SLC24A1: variants seen among roughly 807,000 people sequenced by gnomAD.
The protein encoded by SLC24A1 is solute carrier family 24 member 1.
In SLC24A1, 52 loss-of-function variants were observed where a neutral mutation model predicts 88.1. The ratio of observed to expected loss-of-function variants is 0.59; its 90% CI spans 0.47 to 0.74. The LOEUF (loss-of-function observed/expected upper bound fraction) is 0.74. SLC24A1 is among the 30% of genes least tolerant of loss of function. SLC24A1 has a pLI of 0.00. For missense variants in SLC24A1, 1,173 were observed against 1,363.3 expected, an observed-to-expected ratio of 0.86 and a Z score of 2.20; for synonymous variants, 455 against 498.0, an observed-to-expected ratio of 0.91 and a Z score of 1.15.
At chr15:65,611,487 ACT>A in exon 1 of SLC24A1, 1 of 425,468 alleles carries the variant, frequency 2.4e-6, no homozygotes, top group East Asian at 4.3e-5. Context: ...TGGCCCGGTG[ACT>A]CTGTGTCCGC....
Position 65,638,203 on chromosome 15 carries a change from C to T in SLC24A1, c.1944+22C>T, listed in dbSNP as rs1350691803. 5.2e-6 allele frequency: 8 copies of T among 1,542,798 alleles called. No individual in the cohort carries two copies. The East Asian group carries it at 1.4e-4, about 26-fold the overall frequency. On this transcript the variant is annotated intron_variant, in intron 3 of 9. Coordinates refer to ENST00000261892, the MANE Select transcript of SLC24A1 (RefSeq NM_004727.3). ...GAAGGTGGGTGCCGTATGGAGTCTG[C>T]CCAGTGGGGACACTGCAGGGTCTCA...
chr15:65,652,505 A>G (rs1051804719), intron 8 of SLC24A1, 137 bp from the exon 9 acceptor site: 8 of 702,200 alleles, frequency 1.1e-5, no homozygotes, highest in Non-Finnish European at 1.9e-5. Flanking sequence ...CGGTCCCCCT[A>G]TCACCCTTCC....
At chr15:65,617,027 T>C (rs2074166884), upstream of SLC24A1, among the ~76,000 whole-genome samples, 1 of 152,174 alleles carries the variant, frequency 6.6e-6, no homozygotes, top group Admixed American at 6.5e-5. Flanking sequence ...AAAGATCAGA[T>C]GGTTGTAGAT....
chr15:65,626,595 C>A (rs1246536007), intron 2 of SLC24A1, among the ~76,000 whole-genome samples: 2 of 152,122 alleles, frequency 1.3e-5, no homozygotes, highest in African/African-American at 4.8e-5. Context: ...GGGGACAGAG[C>A]CCTTCTCTCT....
intron 6 of SLC24A1, among the ~76,000 whole-genome samples, chr15:65,647,498 A>AAG (rs1403153710): frequency 6.8e-6 from 1 of 147,096 alleles, no homozygotes; most frequent in African/African-American, 2.5e-5. Context: ...AAAAAAAAAA[A>AAG]AGAGAGAGAC....
In SLC24A1 at chr15:65,651,681, GTTTT is replaced by G; in HGVS notation, c.2808_2811del (p.Phe936LeufsTer12). 1 of 1,597,414 alleles carries G rather than the reference GTTTT, an allele frequency of 6.3e-7. No individual in the cohort carries two copies. The highest frequency in any genetic ancestry group is 8.6e-7 in the Non-Finnish European group (1 of 1,165,164). On this transcript the variant is annotated frameshift_variant, in exon 8 of 10. Coordinates refer to ENST00000261892, the MANE Select transcript of SLC24A1 (RefSeq NM_004727.3). LOFTEE classifies it high-confidence loss of function. ...AAACTTTCAAACAGGAGTCTAGGAAGTTTTTTGTTTTCACCTTCCTGGGATCTAT... is the reference window on the plus strand; with the variant it reads ...AAACTTTCAAACAGGAGTCTAGGAAGTTGTTTTCACCTTCCTGGGATCTAT...
chr15:65,639,506 A>T, intron 3 of SLC24A1, 89 bp from the exon 4 acceptor site: 1 of 769,408 alleles, frequency 1.3e-6, no homozygotes. Flanking sequence ...CCTGATCTTT[A>T]TGGGAAAGAG....
Position 65,624,414 on chromosome 15 carries a change from C to G in SLC24A1, c.334C>G (p.Pro112Ala). The change falls in exon 2 of 10, where the codon CCC becomes GCC. Residue 112 changes from proline (P) to alanine (A), a missense_variant. By Grantham distance (27) the Pro-to-Ala change is conservative. Coordinates refer to ENST00000261892, the MANE Select transcript of SLC24A1 (RefSeq NM_004727.3). ...ATLSMTVENI[P>A]SMPKRTAKMI... is the part of the protein sequence containing the mutation. ...ACTGAGCATGACAGTGGAGAATATC[C>G]CCAGTATGCCTAAAAGAACAGCCAA... is the stretch of plus-strand genomic sequence containing the variant. The G allele has an allele frequency of 1.9e-6, 3 of 1,613,218 alleles. No individual in the cohort carries two copies. Among genetic ancestry groups the G allele is most frequent in the Non-Finnish European group, 2.5e-6 (3 of 1,179,602 alleles).
At chr15:65,613,363 C>A (rs1012235430) in intron 2 of SLC24A1, among the ~76,000 whole-genome samples, 2 of 152,184 alleles carry the variant, frequency 1.3e-5, no homozygotes, top group Non-Finnish European at 2.9e-5. Context: ...CTAGATATCT[C>A]AATCTCCCAG....
chr15:65,635,647 A>C (rs2074908158), intron 2 of SLC24A1, among the ~76,000 whole-genome samples: 1 of 152,026 alleles, frequency 6.6e-6, no homozygotes, highest in Admixed American at 6.6e-5. Context: ...CAGATTGGTT[A>C]TTTATACTCT....
intron 3 of SLC24A1, among the ~76,000 whole-genome samples, chr15:65,638,452 G>C (rs1030109112): frequency 1.3e-5 from 2 of 152,162 alleles, no homozygotes; most frequent in African/African-American, 4.8e-5. Flanking sequence ...GTGACCTTGA[G>C]CTTCAGATTC....
upstream of SLC24A1, among the ~76,000 whole-genome samples, chr15:65,618,005 CA>C (rs1469013421): frequency 6.6e-6 from 1 of 152,110 alleles, no homozygotes; most frequent in Admixed American, 6.5e-5. Flanking sequence ...CTGCATCAGG[CA>C]AAATTCAAAG....
At chr15:65,617,187 G>T (rs2074174577), upstream of SLC24A1, among the ~76,000 whole-genome samples, 1 of 152,156 alleles carries the variant, frequency 6.6e-6, no homozygotes, top group Admixed American at 6.5e-5. Flanking sequence ...TTTTTGCTTA[G>T]GATTGATTGT....
upstream of SLC24A1, among the ~76,000 whole-genome samples, chr15:65,619,570 G>A (rs993658405): frequency 6.6e-6 from 1 of 151,496 alleles, no homozygotes; most frequent in Non-Finnish European, 1.5e-5. Flanking sequence ...TAAAATTTGC[G>A]ACGCTTTCAA....
chr15:65,624,096 A>G lies in SLC24A1; in HGVS notation c.16A>G (p.Arg6Gly), dbSNP rs1216068012. 3 of 1,588,018 alleles carry G rather than the reference A, an allele frequency of 1.9e-6. No homozygotes were observed. The highest frequency in any genetic ancestry group is 2.6e-6 in the Non-Finnish European group (3 of 1,169,194). The change falls in exon 2 of 10, where the codon AGG becomes GGG. Residue 6 changes from arginine to glycine, a missense_variant. Transcript: ENST00000261892. MGKLI[R>G]MGPQERWLLR... is the part of the protein sequence containing the mutation. ...ACTGGCCAGCATGGGGAAATTGATC[A>G]GGATGGGGCCGCAAGAGAGGTGGTT...
chr15:65,654,801 G>C lies in SLC24A1; in HGVS notation c.*722G>C. 9.6e-7 allele frequency: 1 copy of C among 1,045,152 alleles called. No homozygotes were observed. The highest frequency in any genetic ancestry group is 1.3e-6 in the Non-Finnish European group (1 of 783,918). The allele number at this position is 1,045,152 out of a possible 1,614,324, so 64.7% of individuals were successfully genotyped here. A position where few individuals can be genotyped will look rare whatever the true frequency, so the allele number is the denominator to read the frequency against. On this transcript the variant is annotated 3_prime_UTR_variant, in exon 10 of 10. Coordinates refer to ENST00000261892, the MANE Select transcript of SLC24A1 (RefSeq NM_004727.3). ...GCACACCACAACCTTCACCTCCCCG[G>C]TTCAAGCAATTCTCCTGCCTCAGCC...
exon 1 of SLC24A1, chr15:65,611,483 G>T (rs1186084236): frequency 6.8e-6 from 3 of 443,644 alleles, no homozygotes; most frequent in South Asian, 2.6e-5. Context: ...CACCTGGCCC[G>T]GTGACTCTGT....
chr15:65,637,038 GA>G (rs918122444), intron 2 of SLC24A1, among the ~76,000 whole-genome samples: 6 of 148,020 alleles, frequency 4.1e-5, no homozygotes, highest in East Asian at 2.0e-4. Flanking sequence ...GGCAAAAAAA[GA>G]AAAAAAAAGG....
intron 4 of SLC24A1, among the ~76,000 whole-genome samples, chr15:65,640,745 T>C (rs1322497956): frequency 6.6e-6 from 1 of 152,098 alleles, no homozygotes; most frequent in Non-Finnish European, 1.5e-5. Context: ...AGAGACAATA[T>C]TGGGTTGTCA....
Sources: gnomAD v4.1 joint callset for allele counts (sites outside exome capture counted in the v4.1 genomes callset) on GRCh38, gnomAD v4.1.1 for gene constraint, MANE v1.5 for transcripts, NCBI Gene and HGNC (gene_info 2026-07-23, HGNC 2026-07-21) for gene names.